The following SEMA6A variants were observed in gnomAD, a reference collection of about 807,000 sequenced individuals.
The protein encoded by SEMA6A is semaphorin-6A.
Under a neutral mutation model 96.8 loss-of-function variants are expected in SEMA6A, and 25 were observed. That is an observed-to-expected ratio of 0.26 (90% CI 0.19 to 0.36). The LOEUF (loss-of-function observed/expected upper bound fraction) is 0.36. Among genes scored for constraint, SEMA6A ranks in the 10% least tolerant of loss-of-function variants. The pLI is 1.00. For missense variants in SEMA6A, 1,363 were observed against 1,323.1 expected, an observed-to-expected ratio of 1.03 and a Z score of -0.47; for synonymous variants, 612 against 518.0, an observed-to-expected ratio of 1.18 and a Z score of -2.46.
At chr5:116,506,150 T>TA (rs944250745) in intron 1 of SEMA6A, among the ~76,000 whole-genome samples, 4 of 152,232 alleles carry the variant, frequency 2.6e-5, no homozygotes, top group African/African-American at 9.6e-5. Context: ...ACTGCTAACT[T>TA]ACGCTTTTTG....
At chr5:116,549,763 C>T (rs73256746) in intron 1 of SEMA6A, among the ~76,000 whole-genome samples, 9,453 of 152,180 alleles carry the variant, frequency 0.062, 625 homozygotes, top group African/African-American at 0.16. Flanking sequence ...TTCCCTCCAC[C>T]AAATCATTCA....
chr5:116,574,588 C>CG lies in SEMA6A; in HGVS notation c.-443dup, dbSNP rs1369970511. 3 of 102,286 alleles carry CG rather than the reference C, an allele frequency of 2.9e-5. No individual in the cohort carries two copies. Among genetic ancestry groups the CG allele is most frequent in the Non-Finnish European group, 3.9e-5 (2 of 51,440 alleles). The allele number at this position is 102,286 out of a possible 1,614,324, so 6.3% of individuals were successfully genotyped here. ...CGCCGATTAACAAGTCATTTCAGGG[C>CG]GGGGGGCGGGGTGGGGGCTGGGGCA... On this transcript the variant is annotated 5_prime_UTR_variant, in exon 1 of 19. Coordinates refer to ENST00000343348, the MANE Select transcript of SEMA6A (RefSeq NM_020796.5).
At chr5:116,486,226 C>T (rs1757041661) in intron 10 of SEMA6A, among the ~76,000 whole-genome samples, 1 of 152,146 alleles carries the variant, frequency 6.6e-6, no homozygotes, top group Non-Finnish European at 1.5e-5. Flanking sequence ...AGATTTCACC[C>T]TGTAGCAATT....
intron 1 of SEMA6A, among the ~76,000 whole-genome samples, chr5:116,564,520 C>T (rs1371945960): frequency 6.6e-6 from 1 of 152,158 alleles, no homozygotes; most frequent in African/African-American, 2.4e-5. Context: ...ATCCGTTGCA[C>T]AAGGCCAAAT....
chr5:116,525,003 A>G (rs1217454236), intron 1 of SEMA6A, among the ~76,000 whole-genome samples: 1 of 152,198 alleles, frequency 6.6e-6, no homozygotes, highest in Non-Finnish European at 1.5e-5. Flanking sequence ...TTTATTTTGC[A>G]TGTCTGCCCA....
At chr5:116,454,885 A>G (rs1754909585) in intron 18 of SEMA6A, among the ~76,000 whole-genome samples, 1 of 152,060 alleles carries the variant, frequency 6.6e-6, no homozygotes, top group Non-Finnish European at 1.5e-5. Context: ...AGGAGGGGCC[A>G]TGGTCTTCAA....
In SEMA6A at chr5:116,480,103, C is replaced by A. The variant is rs199847944; in HGVS notation, c.1250+19G>T. 7.2e-5 allele frequency: 116 copies of A among 1,612,602 alleles called. No individual in the cohort carries two copies. The highest frequency in any genetic ancestry group is 1.9e-5 in the Non-Finnish European group (22 of 1,179,228). ...TGAAGTTAGGAAATCCATCAGGACA[C>A]GGTTTGTTTGACACCCACCTGACCA... On this transcript the variant is annotated intron_variant, in intron 12 of 18. Coordinates refer to ENST00000343348, the MANE Select transcript of SEMA6A (RefSeq NM_020796.5).
chr5:116,517,363 TG>T (rs1239668699), intron 1 of SEMA6A, among the ~76,000 whole-genome samples: 10 of 151,946 alleles, frequency 6.6e-5, no homozygotes, highest in Non-Finnish European at 1.2e-4. Context: ...TATAAAGTGA[TG>T]GAGAAAGGAA....
intron 18 of SEMA6A, among the ~76,000 whole-genome samples, chr5:116,459,737 C>G (rs901817440): frequency 1.5e-4 from 23 of 152,276 alleles, no homozygotes; most frequent in Admixed American, 9.8e-4. Context: ...TCTCCCTCCC[C>G]CTCTTTCCTT....
intron 1 of SEMA6A, among the ~76,000 whole-genome samples, chr5:116,543,630 C>T (rs1760065932): frequency 6.6e-6 from 1 of 152,176 alleles, no homozygotes; most frequent in Non-Finnish European, 1.5e-5. Flanking sequence ...TTAATCTTCT[C>T]CAAAGGTTTA....
intron 11 of SEMA6A, 36 bp downstream of exon 11, chr5:116,482,408 A>C (rs759100467): frequency 2.5e-6 from 4 of 1,599,176 alleles, no homozygotes; most frequent in Admixed American, 3.4e-5. Flanking sequence ...TGCCATTTCT[A>C]AAGTTTAAAA....
chr5:116,456,170 T>G (rs1248281068), intron 18 of SEMA6A, among the ~76,000 whole-genome samples: 1 of 152,138 alleles, frequency 6.6e-6, no homozygotes, highest in Admixed American at 6.6e-5. Context: ...AGACAGCCCA[T>G]CAGCAACGTG....
chr5:116,489,043 A>G (rs1396861979), intron 7 of SEMA6A, 36 bp from the exon 8 acceptor site: 2 of 1,539,746 alleles, frequency 1.3e-6, no homozygotes, highest in Non-Finnish European at 1.8e-6. Flanking sequence ...ACAGGGTGGG[A>G]GCAAGTCAGT....
At chr5:116,562,233 C>G (rs1390535308) in intron 1 of SEMA6A, among the ~76,000 whole-genome samples, 1 of 152,096 alleles carries the variant, frequency 6.6e-6, no homozygotes, top group Non-Finnish European at 1.5e-5. Context: ...ATTAAGGTGC[C>G]TACAGATCAG....
At chr5:116,496,902 G>A (rs966520146) in intron 4 of SEMA6A, among the ~76,000 whole-genome samples, 7 of 152,138 alleles carry the variant, frequency 4.6e-5, no homozygotes, top group African/African-American at 1.2e-4. Flanking sequence ...CTTTATGTCT[G>A]TCTGAAATGG....
intron 1 of SEMA6A, among the ~76,000 whole-genome samples, chr5:116,522,025 T>C (rs914430163): frequency 5.3e-5 from 8 of 152,202 alleles, no homozygotes; most frequent in African/African-American, 1.9e-4. Flanking sequence ...GTGCATTCAG[T>C]ACCCCAGTGA....
chr5:116,541,034 C>A (rs1759940000), intron 1 of SEMA6A, among the ~76,000 whole-genome samples: 1 of 152,164 alleles, frequency 6.6e-6, no homozygotes, highest in Non-Finnish European at 1.5e-5. Context: ...TATTGTTCTG[C>A]CGCACTTGAT....
chr5:116,551,961 C>A (rs528292589), intron 1 of SEMA6A, among the ~76,000 whole-genome samples: 1 of 152,326 alleles, frequency 6.6e-6, no homozygotes, highest in African/African-American at 2.4e-5. Context: ...CACAAGGATT[C>A]TCCTGAGAAC....
At chr5:116,541,520 C>T (rs1759962696) in intron 1 of SEMA6A, among the ~76,000 whole-genome samples, 1 of 152,150 alleles carries the variant, frequency 6.6e-6, no homozygotes, top group Non-Finnish European at 1.5e-5. Flanking sequence ...ATTGTCATTA[C>T]AAGTTCAAAG....
Sources: allele counts gnomAD v4.1 joint callset (sites outside exome capture counted in the v4.1 genomes callset), GRCh38; gene constraint gnomAD v4.1.1; transcripts MANE v1.5; gene names NCBI Gene and HGNC (gene_info 2026-07-23, HGNC 2026-07-21).